The following NFIA variants were observed in gnomAD, a reference collection of about 807,000 sequenced individuals.
The protein encoded by NFIA is nuclear factor I A.
In NFIA, 8 loss-of-function variants were observed where a neutral mutation model predicts 62.8. The ratio of observed to expected loss-of-function variants is 0.13; its 90% CI spans 0.07 to 0.23. The LOEUF (loss-of-function observed/expected upper bound fraction) is 0.23, where lower values mean the gene tolerates loss of function less well. NFIA is among the 10% of genes least tolerant of loss of function. The probability of loss-of-function intolerance (pLI) is 1.00; values close to 1 mark genes in which losing one functional copy is unlikely to be tolerated. For synonymous variants in NFIA, 235 were observed against 238.1 expected, an observed-to-expected ratio of 0.99 and a Z score of 0.12; for missense variants, 410 against 642.1, an observed-to-expected ratio of 0.64 and a Z score of 3.91.
intron 2 of NFIA, among the ~76,000 whole-genome samples, chr1:61,160,709 G>T (rs542632573): frequency 2.6e-5 from 4 of 152,276 alleles, no homozygotes; most frequent in South Asian, 4.1e-4. Context: ...GCCCACAAAC[G>T]CTGACTAATG....
Position 61,088,380 on chromosome 1 carries a change from T to A in NFIA, c.259T>A (p.Tyr87Asn). Residue 87 changes from tyrosine (Y) to asparagine (N), a missense_variant, in exon 2 of 11, where the codon TAT becomes AAT. Coordinates refer to ENST00000403491, the MANE Select transcript of NFIA (RefSeq NM_001134673.4). The surrounding 1 kb of genome is among the most constrained non-coding windows in gnomAD (Gnocchi z 4.5). ...AKLRKDIRPEYREDFVLTVTG... is the reference protein window; with the variant it reads ...AKLRKDIRPENREDFVLTVTG... ...GTTGCGGAAAGATATCCGACCCGAA[T>A]ATCGAGAGGATTTTGTTCTTACAGT... The A allele has an allele frequency of 6.2e-7, 1 of 1,613,788 alleles. No homozygotes were observed. The highest frequency in any genetic ancestry group is 8.5e-7 in the Non-Finnish European group (1 of 1,179,952).
intron 3 of NFIA, among the ~76,000 whole-genome samples, chr1:61,297,086 G>A (rs950519849): frequency 6.6e-6 from 1 of 152,160 alleles, no homozygotes; most frequent in Non-Finnish European, 1.5e-5. Flanking sequence ...GAACCACAAT[G>A]AGTCACAACA....
At chr1:61,342,511 C>A (rs1661977494) in intron 4 of NFIA, among the ~76,000 whole-genome samples, 1 of 152,126 alleles carries the variant, frequency 6.6e-6, no homozygotes. Flanking sequence ...AATTTCAGCC[C>A]CCAAAGCAGA....
intron 6 of NFIA, 60 bp from the exon 7 acceptor site, chr1:61,383,177 G>A: frequency 6.3e-7 from 1 of 1,587,012 alleles, no homozygotes; most frequent in Non-Finnish European, 8.6e-7. Flanking sequence ...TATCTTTTAG[G>A]TTGCACAAAT....
At chr1:61,389,954 T>C (rs1053582245) in intron 7 of NFIA, among the ~76,000 whole-genome samples, 3 of 152,190 alleles carry the variant, frequency 2.0e-5, no homozygotes, top group African/African-American at 7.2e-5. Context: ...CACAAATATT[T>C]ATCAGGCTCT....
At chr1:61,174,335 C>T (rs1029842620) in intron 2 of NFIA, among the ~76,000 whole-genome samples, 2 of 152,158 alleles carry the variant, frequency 1.3e-5, no homozygotes, top group East Asian at 1.9e-4. Flanking sequence ...TTACCTGCTC[C>T]GAAAGCTGCA....
chr1:61,235,708 G>C (rs1654966990), intron 2 of NFIA, among the ~76,000 whole-genome samples: 2 of 150,296 alleles, frequency 1.3e-5, no homozygotes, highest in South Asian at 4.2e-4. Flanking sequence ...AGCTACTTGG[G>C]AGGCTGAGGT....
chr1:61,304,661 G>A (rs1474402242), intron 3 of NFIA, among the ~76,000 whole-genome samples: 2 of 70,134 alleles, frequency 2.9e-5, no homozygotes, highest in Admixed American at 2.0e-4. Flanking sequence ...TTTGATCTAA[G>A]ATCTGATTTT....
chr1:61,353,308 G>C (rs1217874688), intron 5 of NFIA, among the ~76,000 whole-genome samples: 1 of 152,180 alleles, frequency 6.6e-6, no homozygotes, highest in Non-Finnish European at 1.5e-5. Context: ...TAAAGCTAGA[G>C]TAGTGTAACC....
chr1:61,387,884 A>G (rs556668649), intron 7 of NFIA, among the ~76,000 whole-genome samples: 2 of 152,376 alleles, frequency 1.3e-5, no homozygotes, highest in East Asian at 3.9e-4. Flanking sequence ...TGTCCAAGAC[A>G]TGGAAGAACC....
At chr1:61,186,288 C>CAGTATCTCA (rs1651175290) in intron 2 of NFIA, among the ~76,000 whole-genome samples, 1 of 152,004 alleles carries the variant, frequency 6.6e-6, no homozygotes, top group African/African-American at 2.4e-5. Context: ...CACTCAGAAC[C>CAGTATCTCA]TCTGTAAAAG....
At chr1:61,211,961 G>T (rs954084891) in intron 2 of NFIA, among the ~76,000 whole-genome samples, 1 of 152,186 alleles carries the variant, frequency 6.6e-6, no homozygotes, top group African/African-American at 2.4e-5. Flanking sequence ...CTCCCAAAGT[G>T]CTGGGATTGG....
chr1:61,361,119 C>A (rs1040999805), intron 6 of NFIA, among the ~76,000 whole-genome samples: 1 of 152,202 alleles, frequency 6.6e-6, no homozygotes, highest in Non-Finnish European at 1.5e-5. Flanking sequence ...TGGTGTTAGT[C>A]TTCCGTGACT....
chr1:61,449,692 T>C (rs1423109911), intron 10 of NFIA, among the ~76,000 whole-genome samples: 1 of 152,258 alleles, frequency 6.6e-6, no homozygotes, highest in East Asian at 1.9e-4. Context: ...CCGGGGCCAA[T>C]CCCGGCCCAT....
At chr1:61,198,468 G>T (rs1039092682) in intron 2 of NFIA, among the ~76,000 whole-genome samples, 1 of 152,192 alleles carries the variant, frequency 6.6e-6, no homozygotes, top group Non-Finnish European at 1.5e-5. Context: ...GGGTGATTTA[G>T]TGTGAAAGTA....
chr1:61,097,037 AT>A (rs895346223), intron 2 of NFIA, among the ~76,000 whole-genome samples: 28 of 152,254 alleles, frequency 1.8e-4, no homozygotes, highest in African/African-American at 6.8e-4. Flanking sequence ...AGCAAAGAAA[AT>A]AAAATAGCTT....
chr1:61,351,219 A>G (rs1662533438), intron 4 of NFIA, among the ~76,000 whole-genome samples: 1 of 152,246 alleles, frequency 6.6e-6, no homozygotes, highest in Non-Finnish European at 1.5e-5. Flanking sequence ...TAGCTCTATC[A>G]GATGACTTCG....
At chr1:61,124,389 G>A (rs751148960) in intron 2 of NFIA, among the ~76,000 whole-genome samples, 6 of 152,190 alleles carry the variant, frequency 3.9e-5, no homozygotes, top group Non-Finnish European at 8.8e-5. Flanking sequence ...TGTAGAGAGT[G>A]TTGTATATGA....
intron 2 of NFIA, among the ~76,000 whole-genome samples, chr1:61,219,093 G>A (rs1653837063): frequency 6.6e-6 from 1 of 151,978 alleles, no homozygotes; most frequent in Non-Finnish European, 1.5e-5. Flanking sequence ...GTAGCTGGGT[G>A]TAGTGGCGGG....
Sources: gnomAD v4.1 joint callset for allele counts (sites outside exome capture counted in the v4.1 genomes callset) on GRCh38, gnomAD v4.1.1 for gene constraint, Gnocchi (gnomAD v3.1) non-coding constraint, MANE v1.5 for transcripts, NCBI Gene and HGNC (gene_info 2026-07-23, HGNC 2026-07-21) for gene names.